LRMDA: variants seen among roughly 807,000 people sequenced by gnomAD.
The protein encoded by LRMDA is leucine-rich melanocyte differentiation-associated protein.
In LRMDA, 18 loss-of-function variants were observed where a neutral mutation model predicts 29.8. The ratio of observed to expected loss-of-function variants is 0.60; its 90% CI spans 0.42 to 0.90. The LOEUF is 0.90. LRMDA is among the 40% of genes least tolerant of loss of function. The probability of loss-of-function intolerance (pLI) is 0.00; values close to 1 mark genes in which losing one functional copy is unlikely to be tolerated. For synonymous variants in LRMDA, 125 were observed against 109.4 expected, an observed-to-expected ratio of 1.14 and a Z score of -0.89; for missense variants, 273 against 273.9, an observed-to-expected ratio of 1.00 and a Z score of 0.02.
chr10:75,800,187 AT>A, intron 2 of LRMDA, among the ~76,000 whole-genome samples: 1 of 152,104 alleles, frequency 6.6e-6, no homozygotes, highest in South Asian at 2.1e-4. Flanking sequence ...CATATTTATG[AT>A]TTGTATGTCT....
chr10:76,273,238 G>A (rs759904207), intron 5 of LRMDA, among the ~76,000 whole-genome samples: 4 of 152,120 alleles, frequency 2.6e-5, no homozygotes, highest in Non-Finnish European at 5.9e-5. Flanking sequence ...ATGGAAAGCT[G>A]TAGTGTTTTG....
chr10:75,789,580 A>G (rs1843531408), intron 2 of LRMDA, among the ~76,000 whole-genome samples: 2 of 152,242 alleles, frequency 1.3e-5, no homozygotes, highest in Non-Finnish European at 2.9e-5. Context: ...TCATAAGTGT[A>G]TATTATAAAT....
intron 2 of LRMDA, among the ~76,000 whole-genome samples, chr10:75,815,865 A>G (rs1224420031): frequency 6.6e-6 from 1 of 152,220 alleles, no homozygotes; most frequent in African/African-American, 2.4e-5. Context: ...CATCTCTATA[A>G]TCCTGTGAAA....
rs1435445370 is a variant in LRMDA at position 76,558,433 on chromosome 10, A to G, written c.*1145A>G. The G allele has an allele frequency of 2.0e-5, 3 of 152,208 alleles. No individual in the cohort carries two copies. The highest frequency in any genetic ancestry group is 4.8e-5 in the African/African-American group (2 of 41,452). The allele number at this position is 152,208 out of a possible 1,614,324, so 9.4% of individuals were successfully genotyped here. ...GTATGCTTGGCTGTGCACTAGCACTAATGTCACAAGGAACATAAGTGTGAT... is the reference window on the plus strand; with the variant it reads ...GTATGCTTGGCTGTGCACTAGCACTGATGTCACAAGGAACATAAGTGTGAT... On this transcript the variant is annotated 3_prime_UTR_variant, in exon 7 of 7. Coordinates refer to ENST00000611255, the MANE Select transcript of LRMDA (RefSeq NM_001305581.2).
At chr10:76,004,109 A>ATAAT (rs1847606972) in intron 2 of LRMDA, among the ~76,000 whole-genome samples, 2 of 152,386 alleles carry the variant, frequency 1.3e-5, no homozygotes, top group South Asian at 4.1e-4. Flanking sequence ...TTAAGAATAG[A>ATAAT]TAATTTACAA....
At chr10:75,952,197 T>C (rs1415887780) in intron 2 of LRMDA, among the ~76,000 whole-genome samples, 1 of 152,112 alleles carries the variant, frequency 6.6e-6, no homozygotes, top group East Asian at 1.9e-4. Flanking sequence ...ACCCCGCCGA[T>C]TGCTCCTCGT....
intron 5 of LRMDA, among the ~76,000 whole-genome samples, chr10:76,111,861 G>A (rs1445102966): frequency 1.3e-5 from 2 of 152,026 alleles, no homozygotes; most frequent in East Asian, 1.9e-4. Context: ...AAAATTAGCC[G>A]TTTAAATTAG....
chr10:76,508,421 G>A (rs1434124616), intron 6 of LRMDA, among the ~76,000 whole-genome samples: 1 of 152,122 alleles, frequency 6.6e-6, no homozygotes, highest in African/African-American at 2.4e-5. Flanking sequence ...ATACTGCTGT[G>A]AGAAAGAGTT....
chr10:76,009,419 C>T (rs996075930), intron 2 of LRMDA, among the ~76,000 whole-genome samples: 1 of 152,166 alleles, frequency 6.6e-6, no homozygotes, highest in Non-Finnish European at 1.5e-5. Flanking sequence ...AGGAATGGTG[C>T]AGAAAAGTGT....
chr10:75,532,656 A>G (rs1486121903), intron 2 of LRMDA, among the ~76,000 whole-genome samples: 1 of 152,012 alleles, frequency 6.6e-6, no homozygotes, highest in African/African-American at 2.4e-5. Flanking sequence ...GTCCTGCTTG[A>G]GTCATTCTCA....
chr10:75,738,901 G>A (rs115030992), intron 2 of LRMDA, among the ~76,000 whole-genome samples: 5 of 152,236 alleles, frequency 3.3e-5, no homozygotes, highest in South Asian at 2.1e-4. Context: ...TGAGTCAAAC[G>A]CTCTCTTTCT....
intron 5 of LRMDA, among the ~76,000 whole-genome samples, chr10:76,255,708 T>C (rs1397138899): frequency 6.6e-6 from 1 of 152,162 alleles, no homozygotes; most frequent in Non-Finnish European, 1.5e-5. Context: ...CAAAATAGAT[T>C]TAAATCATTC....
At chr10:76,528,370 A>C (rs979470137) in intron 6 of LRMDA, among the ~76,000 whole-genome samples, 1 of 152,176 alleles carries the variant, frequency 6.6e-6, no homozygotes, top group African/African-American at 2.4e-5. Flanking sequence ...ATAGGCAAAT[A>C]TTTAAGTAAT....
chr10:76,281,256 A>G (rs2132334185), intron 5 of LRMDA, among the ~76,000 whole-genome samples: 1 of 152,324 alleles, frequency 6.6e-6, no homozygotes, highest in Middle Eastern at 3.4e-3. Flanking sequence ...ACAGACCTCA[A>G]AGGTCCTTTG....
At chr10:75,463,958 C>A (rs570438728) in intron 2 of LRMDA, among the ~76,000 whole-genome samples, 2 of 151,984 alleles carry the variant, frequency 1.3e-5, no homozygotes, top group South Asian at 2.1e-4. Context: ...TGAACCACTG[C>A]GCCCGGCTAA....
chr10:75,613,880 G>T (rs752689821), intron 2 of LRMDA, among the ~76,000 whole-genome samples: 6 of 152,144 alleles, frequency 3.9e-5, no homozygotes, highest in African/African-American at 1.4e-4. Flanking sequence ...CATTAAAGCC[G>T]CCTGAGCTTT....
rs182944739 is a variant in LRMDA at position 76,495,728 on chromosome 10, T to C, written c.602-61481T>C. ...TTTTTTATACAAATTGTATATATAC[T>C]TTATTAGATTTATACCTAAGTATTT... On this transcript the variant is annotated intron_variant, in intron 6 of 6. Coordinates refer to ENST00000611255, the MANE Select transcript of LRMDA (RefSeq NM_001305581.2). Among the ~76,000 whole-genome samples, 91 of 152,048 alleles carry C rather than the reference T, an allele frequency of 6.0e-4. 2 individuals are homozygous for C. In the East Asian group the frequency reaches 0.016, roughly 26 times the overall value.
intron 6 of LRMDA, among the ~76,000 whole-genome samples, chr10:76,496,007 C>G: frequency 1.4e-5 from 1 of 73,206 alleles, no homozygotes. Flanking sequence ...TACTTATTTA[C>G]TTTTTAACAT....
At chr10:76,253,575 A>G (rs2132299746) in intron 5 of LRMDA, among the ~76,000 whole-genome samples, 1 of 152,152 alleles carries the variant, frequency 6.6e-6, no homozygotes, top group South Asian at 2.1e-4. Context: ...AGGTAAAAAG[A>G]TGTACTAGCT....
Sources: allele counts gnomAD v4.1 joint callset (sites outside exome capture counted in the v4.1 genomes callset), GRCh38; gene constraint gnomAD v4.1.1; transcripts MANE v1.5; gene names NCBI Gene and HGNC (gene_info 2026-07-23, HGNC 2026-07-21).